EPHA5: variants seen among roughly 807,000 people sequenced by gnomAD.
EPHA5 encodes the protein EPH receptor A5, also known as ephrin type-A receptor 5.
In EPHA5, 60 loss-of-function variants were observed where a neutral mutation model predicts 105.0. The observed-to-expected ratio is 0.57, with a 90% CI of 0.46 to 0.71. EPHA5 has a LOEUF of 0.71. EPHA5 is among the 30% of genes least tolerant of loss of function. The probability of loss-of-function intolerance (pLI) is 0.00; values close to 1 mark genes in which losing one functional copy is unlikely to be tolerated. For missense variants in EPHA5, 1,218 were observed against 1,274.7 expected (o/e 0.96, Z 0.68); for synonymous variants, 513 against 449.1 (o/e 1.14, Z -1.80).
At chr4:65,653,637 T>A (rs1748803411) in intron 1 of EPHA5, among the ~76,000 whole-genome samples, 1 of 152,122 alleles carries the variant, frequency 6.6e-6, no homozygotes, top group Non-Finnish European at 1.5e-5. Context: ...ATCACTTTTG[T>A]CTAGTTAGCC....
intron 5 of EPHA5, among the ~76,000 whole-genome samples, chr4:65,460,810 G>A (rs1728051631): frequency 6.6e-6 from 1 of 151,766 alleles, no homozygotes. Context: ...ATGCTTCAAT[G>A]TACGTGTGTG....
chr4:65,626,304 T>C (rs1162233592), intron 2 of EPHA5, among the ~76,000 whole-genome samples: 2 of 152,154 alleles, frequency 1.3e-5, no homozygotes, highest in Non-Finnish European at 2.9e-5. Flanking sequence ...ACTTTTTAGT[T>C]GTTATAAGTA....
intron 5 of EPHA5, among the ~76,000 whole-genome samples, chr4:65,438,387 T>C (rs1725686844): frequency 6.6e-6 from 1 of 151,824 alleles, no homozygotes; most frequent in Admixed American, 6.6e-5. Context: ...TACATATAAA[T>C]ATGGATATTA....
chr4:65,332,172 CT>C, intron 15 of EPHA5, 44 bp from the exon 16 acceptor site: 1 of 1,458,012 alleles, frequency 6.9e-7, no homozygotes, highest in South Asian at 1.4e-5. Flanking sequence ...CAATTTAATT[CT>C]TTTATAACAA....
intron 3 of EPHA5, among the ~76,000 whole-genome samples, chr4:65,503,880 A>T (rs982757744): frequency 1.3e-5 from 2 of 148,652 alleles, no homozygotes; most frequent in Non-Finnish European, 3.0e-5. Flanking sequence ...GTCATTCAAG[A>T]CAATTTTAAT....
rs770722514 is a variant in EPHA5, at chr4:65,365,217, GA to G, written c.1988-16del. 8.7e-6 allele frequency: 14 copies of G among 1,600,314 alleles called. No individual in the cohort carries two copies. Among genetic ancestry groups the G allele is most frequent in the African/African-American group, 5.4e-5 (4 of 74,002 alleles). On this transcript the variant is annotated splice_polypyrimidine_tract_variant and intron_variant, in intron 10 of 16. Transcript: ENST00000613740. ...ACCAAATTCACCTTGTGATAAAGAT[GA>G]AAAAAATGCAAAAACTCATTTGAAA... is the stretch of plus-strand genomic sequence containing the variant.
rs1226276371 is a variant in EPHA5, at chr4:65,321,077, T to C, written c.*3037A>G. ...AAATGACAAGATTAGAAACAAATTA[T>C]GATAGGTCAAAGTAGTAATTGAGTG... is the stretch of plus-strand genomic sequence containing the variant. On this transcript the variant is annotated 3_prime_UTR_variant, in exon 17 of 17. Coordinates refer to ENST00000613740, the MANE Select transcript of EPHA5 (RefSeq NM_001281766.3). 4 of 230,584 alleles carry C rather than the reference T, an allele frequency of 1.7e-5. No homozygotes were observed. The highest frequency in any genetic ancestry group is 8.6e-6 in the Non-Finnish European group (1 of 116,388). The allele number at this position is 230,584 out of a possible 1,614,324, so 14.3% of individuals were successfully genotyped here. A position where few individuals can be genotyped will look rare whatever the true frequency, so the allele number is the denominator to read the frequency against.
chr4:65,463,507 T>A (rs1728317131), intron 5 of EPHA5, among the ~76,000 whole-genome samples: 1 of 152,156 alleles, frequency 6.6e-6, no homozygotes, highest in Non-Finnish European at 1.5e-5. Context: ...TAAATCAGCA[T>A]TGTACTGTTA....
chr4:65,407,339 A>C (rs1269652467), intron 7 of EPHA5, among the ~76,000 whole-genome samples: 1 of 152,148 alleles, frequency 6.6e-6, no homozygotes, highest in Non-Finnish European at 1.5e-5. Context: ...GTAACTTCAG[A>C]TTGGCCAAAG....
chr4:65,385,886 G>T (rs1560479535), intron 8 of EPHA5, among the ~76,000 whole-genome samples: 1 of 151,744 alleles, frequency 6.6e-6, no homozygotes, highest in Non-Finnish European at 1.5e-5. Flanking sequence ...AAATCAGACA[G>T]ATTAATAGAA....
intron 3 of EPHA5, among the ~76,000 whole-genome samples, chr4:65,540,073 G>A (rs189349359): frequency 6.0e-5 from 9 of 150,428 alleles, no homozygotes; most frequent in African/African-American, 1.9e-4. Flanking sequence ...TACTGACAAA[G>A]TCAGCACCAT....
At chr4:65,548,944 T>TA (rs1737637877) in intron 3 of EPHA5, among the ~76,000 whole-genome samples, 1 of 152,166 alleles carries the variant, frequency 6.6e-6, no homozygotes, top group Non-Finnish European at 1.5e-5. Context: ...GCTAATGCTG[T>TA]AAAAAATAAA....
chr4:65,603,593 A>G (rs984346865), intron 2 of EPHA5, among the ~76,000 whole-genome samples: 4 of 152,102 alleles, frequency 2.6e-5, no homozygotes, highest in East Asian at 1.9e-4. Flanking sequence ...GATGCAAATA[A>G]ATCTTATACA....
At chr4:65,429,304 T>C (rs773790774) in intron 5 of EPHA5, among the ~76,000 whole-genome samples, 3 of 152,018 alleles carry the variant, frequency 2.0e-5, no homozygotes, top group Non-Finnish European at 4.4e-5. Flanking sequence ...GTTTTATCAA[T>C]ATCAAACTTC....
chr4:65,441,147 T>A (rs1020689840), intron 5 of EPHA5, among the ~76,000 whole-genome samples: 20 of 152,120 alleles, frequency 1.3e-4, no homozygotes, highest in Non-Finnish European at 2.4e-4. Flanking sequence ...CTTCAGCATC[T>A]TTAATATACT....
At position 65,323,624 on chromosome 4, in the gene EPHA5, A is replaced by G. The variant is rs531925827; in HGVS notation, c.*490T>C. The G allele has an allele frequency of 4.3e-6, 1 of 230,346 alleles. No individual in the cohort carries two copies. The highest frequency in any genetic ancestry group is 1.8e-4 in the South Asian group (1 of 5,498). 14.3% of individuals were successfully genotyped at this position (230,346 alleles called of 1,614,324 possible). A position where few individuals can be genotyped will look rare whatever the true frequency, so the allele number is the denominator to read the frequency against. On this transcript the variant is annotated 3_prime_UTR_variant, in exon 17 of 17. Transcript: ENST00000613740. ...AAATTACAAAAGAAGATATCTATTA[A>G]GAAATAATCTAATCATATTGCTCTT...
intron 3 of EPHA5, among the ~76,000 whole-genome samples, chr4:65,522,316 G>GTGTATATATATATATATATACATATA (rs777066757): frequency 7.0e-6 from 1 of 142,860 alleles, no homozygotes; most frequent in African/African-American, 2.7e-5. Flanking sequence ...ATATATATAT[G>GTGTATATATATATATATATACATATA]TATATATATA....
At chr4:65,451,116 T>G (rs758542387) in intron 5 of EPHA5, among the ~76,000 whole-genome samples, 4 of 152,178 alleles carry the variant, frequency 2.6e-5, no homozygotes, top group African/African-American at 4.8e-5. Flanking sequence ...ATGATAAAGC[T>G]GCCTCACAGA....
intron 2 of EPHA5, among the ~76,000 whole-genome samples, chr4:65,609,721 T>C (rs1744585503): frequency 6.6e-6 from 1 of 151,698 alleles, no homozygotes. Context: ...CCTTTAACAA[T>C]TATCCAAGTG....
Sources: gnomAD v4.1 joint callset for allele counts (sites outside exome capture counted in the v4.1 genomes callset) on GRCh38, gnomAD v4.1.1 for gene constraint, MANE v1.5 for transcripts, NCBI Gene and HGNC (gene_info 2026-07-23, HGNC 2026-07-21) for gene names.